The following MACROD2 variants were observed in gnomAD, a reference collection of about 807,000 sequenced individuals.
MACROD2 encodes ADP-ribose glycohydrolase MACROD2.
Under a neutral mutation model 70.4 loss-of-function variants are expected in MACROD2, and 36 were observed. The ratio of observed to expected loss-of-function variants is 0.51; its 90% CI spans 0.39 to 0.68. The LOEUF (loss-of-function observed/expected upper bound fraction) is 0.68. MACROD2 is among the 30% of genes least tolerant of loss of function. MACROD2 has a pLI of 0.00. For synonymous variants in MACROD2, 172 were observed against 178.8 expected (o/e 0.96, Z 0.30); for missense variants, 496 against 538.4 (o/e 0.92, Z 0.78).
intron 3 of MACROD2, among the ~76,000 whole-genome samples, chr20:14,280,106 C>T (rs370175306): frequency 5.3e-5 from 8 of 152,056 alleles, no homozygotes; most frequent in African/African-American, 1.4e-4. Flanking sequence ...TGATATCTTT[C>T]CTATTTTTAA....
chr20:14,804,239 G>GT (rs1225010899), intron 5 of MACROD2, among the ~76,000 whole-genome samples: 1 of 151,666 alleles, frequency 6.6e-6, no homozygotes, highest in Non-Finnish European at 1.5e-5. Flanking sequence ...TTATTTGGCT[G>GT]TTTTTATTTT....
chr20:14,937,021 A>T (rs1367512542), intron 5 of MACROD2, among the ~76,000 whole-genome samples: 2 of 152,330 alleles, frequency 1.3e-5, no homozygotes, highest in African/African-American at 4.8e-5. Flanking sequence ...AGGCAAGTAA[A>T]GGAAGGTAGG....
rs369879825 is a variant in MACROD2 at position 15,095,226 on chromosome 20, G to A, written c.419-134714G>A. On this transcript the variant is annotated intron_variant, in intron 5 of 17. Transcript: ENST00000684519. ...CCAGTAGCTGGGATTACAGGCGCCCGCCACCACACCCGGCAATTTTTTGTA... is the reference window on the plus strand; with the variant it reads ...CCAGTAGCTGGGATTACAGGCGCCCACCACCACACCCGGCAATTTTTTGTA... 8.5e-4 allele frequency among the ~76,000 whole-genome samples: 128 copies of A among 151,332 alleles called. 2 individuals carry two copies. The highest frequency in any genetic ancestry group is 2.5e-3 in the African/African-American group (104 of 41,228).
At chr20:15,045,644 C>A (rs539856131) in intron 5 of MACROD2, among the ~76,000 whole-genome samples, 4 of 151,238 alleles carry the variant, frequency 2.6e-5, no homozygotes, top group Non-Finnish European at 5.9e-5. Flanking sequence ...AGAAAGGCCA[C>A]CATTACCCAT....
intron 5 of MACROD2, among the ~76,000 whole-genome samples, chr20:15,120,269 T>A (rs1290737805): frequency 8.8e-6 from 1 of 113,098 alleles, no homozygotes; most frequent in Non-Finnish European, 1.7e-5. Flanking sequence ...GGAGTGTGTG[T>A]GTGTGTGTGT....
rs374446794 is a variant in MACROD2 at position 14,932,273 on chromosome 20, G to A, written c.418+247314G>A. Among the ~76,000 whole-genome samples, 14 of 152,046 alleles carry A rather than the reference G, an allele frequency of 9.2e-5. No individual in the cohort carries two copies. In the South Asian group the frequency reaches 1.0e-3, roughly 11 times the overall value. On this transcript the variant is annotated intron_variant, in intron 5 of 17. Transcript: ENST00000684519. The stretch of plus-strand genomic sequence containing the variant: ...TCTAATTTAGAGTCATTGTTCCAGT[G>A]AATGGAAATGAGCTGAAGGAACAGC...
At chr20:15,315,950 A>G (rs1014297485) in intron 6 of MACROD2, among the ~76,000 whole-genome samples, 1 of 152,090 alleles carries the variant, frequency 6.6e-6, no homozygotes, top group Non-Finnish European at 1.5e-5. Flanking sequence ...GCATTTGGAC[A>G]CTCTTTTTAT....
At chr20:14,868,413 A>G (rs1460556075) in intron 5 of MACROD2, among the ~76,000 whole-genome samples, 3 of 151,608 alleles carry the variant, frequency 2.0e-5, no homozygotes, top group African/African-American at 7.3e-5. Flanking sequence ...TGATTCTCTC[A>G]CCTTGGCCTC....
intron 5 of MACROD2, among the ~76,000 whole-genome samples, chr20:15,064,845 A>C (rs1442505982): frequency 1.3e-5 from 2 of 152,178 alleles, no homozygotes; most frequent in Admixed American, 1.3e-4. Context: ...TATTCAAGAG[A>C]GTGGTCGTGG....
At chr20:14,182,331 T>C (rs74431825) in intron 3 of MACROD2, among the ~76,000 whole-genome samples, 3,563 of 152,278 alleles carry the variant, frequency 0.023, 129 homozygotes, top group African/African-American at 0.08. Context: ...ATTTATTTAG[T>C]CTTTTTTATT....
intron 6 of MACROD2, among the ~76,000 whole-genome samples, chr20:15,234,009 ATTCTTTTTTTTTTTTTTTTT>A (rs2076987895): frequency 2.5e-5 from 1 of 39,998 alleles, no homozygotes; most frequent in Non-Finnish European, 4.7e-5. Flanking sequence ...ATATATATAT[ATTCTTTTTTTTTTTTTTTTT>A]TTTTTTTTTT....
intron 3 of MACROD2, among the ~76,000 whole-genome samples, chr20:14,112,428 T>C (rs1241154185): frequency 6.6e-6 from 1 of 152,058 alleles, no homozygotes; most frequent in Admixed American, 6.6e-5. Flanking sequence ...TTTTCCATGA[T>C]GTGATTATTA....
In MACROD2 at chr20:15,350,796, T is replaced by C. The variant is rs566213599; in HGVS notation, c.541-80609T>C. On this transcript the variant is annotated intron_variant, in intron 6 of 17. Transcript: ENST00000684519. ...ACTTAGACTTATTACTGATTCTTGA[T>C]ATCACAGAAAAATTAATGTGTATAA... is the stretch of plus-strand genomic sequence containing the variant. Among the ~76,000 whole-genome samples the C allele has an allele frequency of 2.0e-5, 3 of 152,314 alleles. No individual in the cohort carries two copies. The South Asian group carries it at 6.2e-4, about 32-fold the overall frequency.
chr20:15,599,349 G>A (rs949947023), intron 8 of MACROD2, among the ~76,000 whole-genome samples: 4 of 151,942 alleles, frequency 2.6e-5, no homozygotes, highest in Non-Finnish European at 4.4e-5. Flanking sequence ...CCGAGATCGC[G>A]CCACTGCACT....
chr20:15,303,193 A>T (rs978546992), intron 6 of MACROD2, among the ~76,000 whole-genome samples: 1 of 152,116 alleles, frequency 6.6e-6, no homozygotes, highest in African/African-American at 2.4e-5. Context: ...CTTTCTGAAC[A>T]TTTCAATTTT....
intron 6 of MACROD2, among the ~76,000 whole-genome samples, chr20:15,398,254 G>T (rs867085319): frequency 1.3e-5 from 2 of 152,116 alleles, no homozygotes; most frequent in East Asian, 1.9e-4. Flanking sequence ...TTTGGGGGAG[G>T]TTGTTCAGCA....
At chr20:15,288,863 GTCTGTCTATCTA>G (rs1412305096) in intron 6 of MACROD2, among the ~76,000 whole-genome samples, 19 of 132,280 alleles carry the variant, frequency 1.4e-4, no homozygotes, top group African/African-American at 4.7e-4. Context: ...ATGTCTGTCT[GTCTGTCTATCTA>G]TCTATCTATC....
At chr20:14,407,485 A>G (rs1298097850) in intron 3 of MACROD2, among the ~76,000 whole-genome samples, 1 of 152,124 alleles carries the variant, frequency 6.6e-6, no homozygotes, top group Non-Finnish European at 1.5e-5. Flanking sequence ...GACTGCTAAC[A>G]TTGATTCCCA....
chr20:15,287,948 A>C (rs2077506538), intron 6 of MACROD2, among the ~76,000 whole-genome samples: 1 of 152,242 alleles, frequency 6.6e-6, no homozygotes, highest in South Asian at 2.1e-4. Context: ...ATAAAAGATC[A>C]GGAACACTCT....
Sources: allele counts gnomAD v4.1 joint callset (sites outside exome capture counted in the v4.1 genomes callset), GRCh38; gene constraint gnomAD v4.1.1; transcripts MANE v1.5; gene names NCBI Gene and HGNC (gene_info 2026-07-23, HGNC 2026-07-21).